Variants in SAMMSON observed in about 807,000 individuals in gnomAD.
SAMMSON encodes survival associated mitochondrial melanoma specific oncogenic non-coding RNA, also known as long intergenic non-protein coding RNA 1212.
intron 4 of SAMMSON, among the ~76,000 whole-genome samples, chr3:70,248,857 G>GT (rs1025581605): frequency 6.6e-6 from 1 of 152,096 alleles, no homozygotes; most frequent in Middle Eastern, 3.2e-3. Flanking sequence ...TGACTCAATT[G>GT]AAAGGAAATC....
At chr3:70,431,083 A>C (rs1701409217) in intron 2 of SAMMSON, among the ~76,000 whole-genome samples, 1 of 152,086 alleles carries the variant, frequency 6.6e-6, no homozygotes, top group Non-Finnish European at 1.5e-5. Flanking sequence ...TATTTGATGG[A>C]AGGAGTAGAA....
At chr3:70,253,423 G>A (rs1290860010) in intron 6 of SAMMSON, among the ~76,000 whole-genome samples, 1 of 152,158 alleles carries the variant, frequency 6.6e-6, no homozygotes, top group Non-Finnish European at 1.5e-5. Flanking sequence ...CCAGAGCCTT[G>A]GCTGCTTTCG....
intron 4 of SAMMSON, chr3:70,184,325 G>T (rs780654206): frequency 3.2e-4 from 48 of 152,102 alleles, no homozygotes; most frequent in Non-Finnish European, 5.7e-4. Context: ...CTTTACTATT[G>T]CCCTGTGATT....
At chr3:70,297,545 T>C (rs533108225) in intron 7 of SAMMSON, among the ~76,000 whole-genome samples, 3 of 152,222 alleles carry the variant, frequency 2.0e-5, no homozygotes, top group African/African-American at 7.2e-5. Flanking sequence ...ATTGCATATG[T>C]CTGGGTACCC....
At chr3:70,256,713 G>A (rs1701819901) in intron 6 of SAMMSON, among the ~76,000 whole-genome samples, 1 of 152,114 alleles carries the variant, frequency 6.6e-6, no homozygotes. Flanking sequence ...AGGGTCAGAT[G>A]GCATTACTGG....
intron 4 of SAMMSON, among the ~76,000 whole-genome samples, chr3:70,124,909 T>C (rs1410923575): frequency 6.6e-6 from 1 of 151,800 alleles, no homozygotes; most frequent in East Asian, 1.9e-4. Context: ...TATAATATAG[T>C]TCCAATACAC....
At chr3:70,088,384 G>C (rs559026984) in intron 4 of SAMMSON, among the ~76,000 whole-genome samples, 1 of 152,274 alleles carries the variant, frequency 6.6e-6, no homozygotes, top group East Asian at 1.9e-4. Flanking sequence ...ATAGTTTCAA[G>C]GGAAAACCAT....
intron 6 of SAMMSON, among the ~76,000 whole-genome samples, chr3:70,267,388 TAATAGC>T (rs1350646738): frequency 2.0e-5 from 3 of 148,200 alleles, no homozygotes; most frequent in Non-Finnish European, 4.4e-5. Flanking sequence ...GATTCTTTTT[TAATAGC>T]TTTTTTTTTT....
At chr3:70,008,179 G>C (rs930439053) in intron 1 of SAMMSON, among the ~76,000 whole-genome samples, 1 of 152,048 alleles carries the variant, frequency 6.6e-6, no homozygotes, top group Non-Finnish European at 1.5e-5. Flanking sequence ...CCAATTCTGC[G>C]AAGAAAGTCA....
At chr3:70,278,006 G>A (rs1354110222) in intron 6 of SAMMSON, among the ~76,000 whole-genome samples, 1 of 152,022 alleles carries the variant, frequency 6.6e-6, no homozygotes, top group Non-Finnish European at 1.5e-5. Context: ...TATATACATT[G>A]ATCCGTTTTT....
rs529309115 is a variant in SAMMSON at position 70,350,809 on chromosome 3, C to T, written n.740-3366C>T. On this transcript the variant is annotated intron_variant and non_coding_transcript_variant, in intron 7 of 9. Transcript: ENST00000642114. ...GGAATCAGAAATACCATACTGTGGA[C>T]GGCCTAATTTAGACTGGGAAGTCAG... 1.7e-4 allele frequency among the ~76,000 whole-genome samples: 26 copies of T among 152,122 alleles called. 1 individual carries two copies. In the South Asian group the frequency reaches 3.7e-3, roughly 22 times the overall value.
rs559451509 is a variant in SAMMSON, at chr3:70,035,438, G to A, written n.417+21766G>A. ...AACTGATCAGTAACTTTAGTACACCGGCAAAGTCCCTTCATATCAGTATAT... is the reference window on the plus strand; with the variant it reads ...AACTGATCAGTAACTTTAGTACACCAGCAAAGTCCCTTCATATCAGTATAT... On this transcript the variant is annotated intron_variant and non_coding_transcript_variant, in intron 3 of 9. Coordinates refer to ENST00000642114, the Ensembl canonical transcript of SAMMSON. 5.9e-5 allele frequency among the ~76,000 whole-genome samples: 9 copies of A among 152,218 alleles called. No homozygotes were observed. In the East Asian group the frequency reaches 1.2e-3, roughly 20 times the overall value.
At chr3:70,385,520 C>T (rs1015789602) in intron 9 of SAMMSON, among the ~76,000 whole-genome samples, 7 of 152,060 alleles carry the variant, frequency 4.6e-5, no homozygotes, top group Non-Finnish European at 7.4e-5. Context: ...ATACAGCACT[C>T]TGCTAGGCTG....
At chr3:70,325,547 A>G (rs1702572124) in intron 7 of SAMMSON, among the ~76,000 whole-genome samples, 1 of 152,190 alleles carries the variant, frequency 6.6e-6, no homozygotes, top group South Asian at 2.1e-4. Flanking sequence ...ACATTTTATT[A>G]GAACAGTAAT....
intron 4 of SAMMSON, chr3:70,125,453 A>G: frequency 1.2e-6 from 1 of 825,190 alleles, no homozygotes; most frequent in Non-Finnish European, 2.0e-6. Context: ...CCTTCTAGAA[A>G]TACATTCCGA....
intron 4 of SAMMSON, among the ~76,000 whole-genome samples, chr3:70,100,374 T>C (rs1396150556): frequency 6.6e-6 from 1 of 152,054 alleles, no homozygotes; most frequent in Non-Finnish European, 1.5e-5. Context: ...TCTCGAACTC[T>C]TGAGCTCAAG....
chr3:70,051,492 G>A (rs1361395243), intron 3 of SAMMSON, among the ~76,000 whole-genome samples: 1 of 148,836 alleles, frequency 6.7e-6, no homozygotes, highest in Admixed American at 6.7e-5. Flanking sequence ...TAATAGAATA[G>A]GGGATTGATA....
intron 4 of SAMMSON, among the ~76,000 whole-genome samples, chr3:70,134,272 AT>A (rs1168776977): frequency 1.6e-4 from 24 of 151,426 alleles, no homozygotes; most frequent in Admixed American, 6.6e-4. Flanking sequence ...AAAAAAAAAA[AT>A]ATTAAATGAA....
At position 70,383,347 on chromosome 3, in the gene SAMMSON, T is replaced by TTA. The variant is rs1553660668; in HGVS notation, n.914-6227_914-6226insTA. ...CAATTGTTTTCCCTTAAAATAAAAATAAAAAAAAAAAACAACCTTATGGTC... is the reference window on the plus strand; with the variant it reads ...CAATTGTTTTCCCTTAAAATAAAAATTAAAAAAAAAAAAACAACCTTATGGTC... On this transcript the variant is annotated intron_variant and non_coding_transcript_variant, in intron 9 of 9. Coordinates refer to ENST00000642114, the Ensembl canonical transcript of SAMMSON. 3.2e-3 allele frequency among the ~76,000 whole-genome samples: 462 copies of TTA among 144,672 alleles called. 5 individuals carry two copies. The highest frequency in any genetic ancestry group is 0.011 in the African/African-American group (450 of 39,646). The allele number at this position is 144,672 out of a possible 152,430, so 94.9% of individuals were successfully genotyped here. A position where few individuals can be genotyped will look rare whatever the true frequency, so the allele number is the denominator to read the frequency against.
Sources: allele counts gnomAD v4.1 joint callset (sites outside exome capture counted in the v4.1 genomes callset), GRCh38; gene constraint gnomAD v4.1.1; transcripts MANE v1.5; gene names NCBI Gene and HGNC (gene_info 2026-07-23, HGNC 2026-07-21).